Variants in PBX3 observed in about 807,000 individuals in gnomAD.
PBX3 encodes the protein PBX homeobox 3.
A neutral mutation model predicts 48.5 loss-of-function variants in PBX3; 14 were observed. The ratio of observed to expected loss-of-function variants is 0.29; its 90% CI spans 0.19 to 0.45. The LOEUF (loss-of-function observed/expected upper bound fraction) is 0.45, where lower values mean the gene tolerates loss of function less well. Among genes scored for constraint, PBX3 ranks in the 20% least tolerant of loss-of-function variants. PBX3 has a pLI of 1.00. For missense variants in PBX3, 386 were observed against 546.7 expected (o/e 0.71, Z 2.93); for synonymous variants, 210 against 200.3 (o/e 1.05, Z -0.41).
chr9:125,868,541 C>G (rs1840042934), intron 2 of PBX3, among the ~76,000 whole-genome samples: 1 of 152,152 alleles, frequency 6.6e-6, no homozygotes, highest in African/African-American at 2.4e-5. Flanking sequence ...GATATGAGAG[C>G]TGGCATTTAT....
chr9:125,848,828 T>G (rs1308004192), intron 2 of PBX3, among the ~76,000 whole-genome samples: 3 of 152,002 alleles, frequency 2.0e-5, no homozygotes, highest in Non-Finnish European at 4.4e-5. Context: ...ACCATGTACA[T>G]TCTGTGATAG....
chr9:125,792,365 T>A (rs984735508), intron 2 of PBX3, among the ~76,000 whole-genome samples: 1 of 152,042 alleles, frequency 6.6e-6, no homozygotes, highest in African/African-American at 2.4e-5. Context: ...GTCAGAAATA[T>A]TAGGGGAGGT....
intron 2 of PBX3, among the ~76,000 whole-genome samples, chr9:125,806,084 T>A (rs1838116757): frequency 6.6e-6 from 1 of 152,326 alleles, no homozygotes; most frequent in South Asian, 2.1e-4. Context: ...GGTGTTGAAA[T>A]TTTAAAATGT....
intron 2 of PBX3, among the ~76,000 whole-genome samples, chr9:125,796,737 A>G (rs538489023): frequency 6.6e-6 from 1 of 152,182 alleles, no homozygotes; most frequent in South Asian, 2.1e-4. Context: ...ATTGTATGTA[A>G]TGCTGTGGGA....
At chr9:125,769,237 TG>T (rs1836879463) in intron 2 of PBX3, among the ~76,000 whole-genome samples, 1 of 152,228 alleles carries the variant, frequency 6.6e-6, no homozygotes, top group Non-Finnish European at 1.5e-5. Flanking sequence ...TCTTGCTTTG[TG>T]CAATGGCGCC....
intron 2 of PBX3, among the ~76,000 whole-genome samples, chr9:125,793,669 A>G (rs1299704328): frequency 6.6e-6 from 1 of 151,886 alleles, no homozygotes; most frequent in Non-Finnish European, 1.5e-5. Flanking sequence ...ACCTCAGGTA[A>G]TCCGCCTGCC....
rs983208965 is a variant in PBX3, at chr9:125,916,159, C to A, written c.516+232C>A. Among the ~76,000 whole-genome samples, 29 of 152,346 alleles carry A rather than the reference C, an allele frequency of 1.9e-4. No individual in the cohort carries two copies. The East Asian group carries it at 5.0e-3, about 26-fold the overall frequency. On this transcript the variant is annotated intron_variant, in intron 3 of 8. Transcript: ENST00000373489. ...CCCATCTACTTGTTTTAGTTTTATT[C>A]ATTCCGCACATTCACGTGCCCTTAT... is the stretch of plus-strand genomic sequence containing the variant.
chr9:125,937,117 A>C (rs962347371), intron 5 of PBX3, among the ~76,000 whole-genome samples: 1 of 152,166 alleles, frequency 6.6e-6, no homozygotes, highest in Non-Finnish European at 1.5e-5. Flanking sequence ...ACTCTTTTTT[A>C]AAAAACAATT....
chr9:125,914,796 A>G (rs116788706), intron 2 of PBX3, among the ~76,000 whole-genome samples: 282 of 152,330 alleles, frequency 1.9e-3, no homozygotes, highest in African/African-American at 6.3e-3. Context: ...CATGACTCCA[A>G]TGCTTTTTAT....
At chr9:125,923,457 T>G (rs899167738) in intron 3 of PBX3, among the ~76,000 whole-genome samples, 10 of 152,236 alleles carry the variant, frequency 6.6e-5, no homozygotes, top group African/African-American at 2.4e-4. Flanking sequence ...GGACTTAGAC[T>G]CTTAACAATT....
intron 2 of PBX3, among the ~76,000 whole-genome samples, chr9:125,802,069 A>G (rs1837966116): frequency 6.6e-6 from 1 of 152,152 alleles, no homozygotes. Context: ...TCTCAACAAC[A>G]ACAATAACAG....
chr9:125,942,589 TA>T, intron 5 of PBX3, among the ~76,000 whole-genome samples: 1 of 152,202 alleles, frequency 6.6e-6, no homozygotes, highest in Non-Finnish European at 1.5e-5. Context: ...CAGCTATACA[TA>T]AAGGCCTTTT....
intron 2 of PBX3, among the ~76,000 whole-genome samples, chr9:125,835,459 G>A (rs1029973490): frequency 6.6e-6 from 1 of 151,980 alleles, no homozygotes; most frequent in Non-Finnish European, 1.5e-5. Flanking sequence ...GTATTTGCAA[G>A]CTATTTAATT....
chr9:125,894,363 T>C (rs1840720650), intron 2 of PBX3, among the ~76,000 whole-genome samples: 1 of 152,146 alleles, frequency 6.6e-6, no homozygotes. Flanking sequence ...GTCCATAGAT[T>C]TATGATTTAA....
At chr9:125,748,762 T>C (rs191129336) in intron 2 of PBX3, 139 bp downstream of exon 2, 368 of 595,644 alleles carry the variant, frequency 6.2e-4, no homozygotes, top group Admixed American at 1.4e-3. Flanking sequence ...GTCCTGATCT[T>C]GAGAAAAAAC....
At chr9:125,925,999 A>G (rs984274790) in intron 3 of PBX3, among the ~76,000 whole-genome samples, 8 of 152,218 alleles carry the variant, frequency 5.3e-5, no homozygotes, top group Admixed American at 2.0e-4. Context: ...TTAACATTCT[A>G]TGGAACTAGC....
In PBX3 at chr9:125,754,977, T is replaced by G. The variant is rs202062337; in HGVS notation, c.274+6354T>G. Among the ~76,000 whole-genome samples the G allele has an allele frequency of 9.2e-5, 14 of 152,268 alleles. No individual in the cohort carries two copies. The East Asian group carries it at 2.7e-3, about 29-fold the overall frequency. ...TGTTTAGACAATAACTCTTTTTTAG[T>G]GATCATATTAATGAGGACTTGGTAT... On this transcript the variant is annotated intron_variant, in intron 2 of 8. Transcript: ENST00000373489.
Position 125,748,242 on chromosome 9 carries a change from C to G in PBX3, c.201-308C>G, listed in dbSNP as rs538789121. The G allele has an allele frequency of 2.7e-5, 28 of 1,042,496 alleles. No homozygotes were observed. The South Asian group carries it at 9.6e-4, about 36-fold the overall frequency. 64.6% of individuals were successfully genotyped at this position (1,042,496 alleles called of 1,614,324 possible). On this transcript the variant is annotated intron_variant, in intron 1 of 8. Transcript: ENST00000373489. Reference sequence around the variant, plus strand: ...GCGGGAGCCCCTCCGCACCCGTCCCCTCCCCCGGGTCGCCTTCGCCTGCCC... The same window carrying G: ...GCGGGAGCCCCTCCGCACCCGTCCCGTCCCCCGGGTCGCCTTCGCCTGCCC...
intron 2 of PBX3, among the ~76,000 whole-genome samples, chr9:125,890,126 G>A (rs1840606446): frequency 6.6e-6 from 1 of 152,204 alleles, no homozygotes. Context: ...CCTGGCGATG[G>A]TAGAGGATGC....
Sources: allele counts gnomAD v4.1 joint callset (sites outside exome capture counted in the v4.1 genomes callset), GRCh38; gene constraint gnomAD v4.1.1; transcripts MANE v1.5; gene names NCBI Gene and HGNC (gene_info 2026-07-23, HGNC 2026-07-21).